The following AP2A1 variants were observed in gnomAD, a reference collection of about 807,000 sequenced individuals.
AP2A1 encodes adaptor related protein complex 2 subunit alpha 1.
Under a neutral mutation model 107.3 loss-of-function variants are expected in AP2A1, and 21 were observed. The ratio of observed to expected loss-of-function variants is 0.20; its 90% CI spans 0.14 to 0.28. The LOEUF (loss-of-function observed/expected upper bound fraction) is 0.28, where lower values mean the gene tolerates loss of function less well. AP2A1 is among the 10% of genes least tolerant of loss of function. AP2A1 has a pLI of 1.00. For synonymous variants in AP2A1, 602 were observed against 564.8 expected (o/e 1.07, Z -0.93); for missense variants, 873 against 1,307.7 (o/e 0.67, Z 5.13).
intron 6 of AP2A1, 60 bp downstream of exon 6, chr19:49,793,152 C>T: frequency 6.9e-7 from 1 of 1,439,662 alleles, no homozygotes; most frequent in African/African-American, 1.4e-5. Context: ...TGCCCTCTGA[C>T]ACCCCTCAGG....
At chr19:49,770,601 A>G (rs1212015022) in intron 1 of AP2A1, among the ~76,000 whole-genome samples, 1 of 152,212 alleles carries the variant, frequency 6.6e-6, no homozygotes, top group African/African-American at 2.4e-5. Flanking sequence ...CAACTGAGAA[A>G]TAAAGTGTGG....
chr19:49,799,187 G>A, intron 8 of AP2A1, 140 bp from the exon 9 acceptor site: 1 of 1,167,162 alleles, frequency 8.6e-7, no homozygotes, highest in Non-Finnish European at 1.2e-6. Context: ...GTCACTGGAG[G>A]TGCAGTACTG....
chr19:49,767,197 A>C lies in AP2A1; in HGVS notation c.64A>C (p.Asn22His). 6.2e-7 allele frequency: 1 copy of C among 1,611,606 alleles called. No homozygotes were observed. Among genetic ancestry groups the C allele is most frequent in the Non-Finnish European group, 8.5e-7 (1 of 1,179,644 alleles). The change falls in exon 1 of 23, where the codon AAC becomes CAC. Residue 22 changes from asparagine (N) to histidine (H), a missense_variant. Asn to His is a moderately conservative substitution (Grantham distance 68). This residue lies in a region of AP2A1 where 87 missense variants were observed against 178.2 expected (regional missense o/e 0.49). Coordinates refer to ENST00000354293, the MANE Select transcript of AP2A1 (RefSeq NM_130787.3). Reference protein sequence around the residue: ...GLAVFISDIRNCKSKEAEIKR... With the variant: ...GLAVFISDIRHCKSKEAEIKR... ...CGCGGTGTTCATCTCCGACATCCGG[A>C]ACTGTGAGCGCGCGGCCGGGGGACA...
At chr19:49,793,184 A>C in intron 6 of AP2A1, 92 bp downstream of exon 6, 1 of 1,196,150 alleles carries the variant, frequency 8.4e-7, no homozygotes, top group Non-Finnish European at 1.2e-6. Context: ...CCTGAGAGGC[A>C]GCCCAGCCCA....
rs985405612 is a variant in AP2A1, at chr19:49,800,773, C to T, written c.1456-188C>T. On this transcript the variant is annotated intron_variant, in intron 11 of 22. Coordinates refer to ENST00000354293, the MANE Select transcript of AP2A1 (RefSeq NM_130787.3). ...GGCATGAGCCACTGCTTCCGGCCCACAGCCCTGTTTTACTTCCTGTGTGAG... is the reference window on the plus strand; with the variant it reads ...GGCATGAGCCACTGCTTCCGGCCCATAGCCCTGTTTTACTTCCTGTGTGAG... The T allele has an allele frequency of 6.2e-5, 33 of 533,522 alleles. No individual in the cohort carries two copies. In the East Asian group the frequency reaches 7.0e-4, roughly 11 times the overall value. The allele number at this position is 533,522 out of a possible 1,614,324, so 33.0% of individuals were successfully genotyped here.
rs569281886 is a variant in AP2A1, at chr19:49,802,708, G to A, written c.2115-241G>A. The A allele has an allele frequency of 3.6e-4, 429 of 1,190,710 alleles. 1 individual carries two copies. The highest frequency in any genetic ancestry group is 1.9e-4 in the Non-Finnish European group (164 of 869,752). 73.8% of individuals were successfully genotyped at this position (1,190,710 alleles called of 1,614,324 possible). A position where few individuals can be genotyped will look rare whatever the true frequency, so the allele number is the denominator to read the frequency against. ...GTCAACGGGTTCCTGATGAGCAGCA[G>A]AGGCAGGGACTTGGAGGAAAGGGAA... On this transcript the variant is annotated intron_variant, in intron 15 of 22. Coordinates refer to ENST00000354293, the MANE Select transcript of AP2A1 (RefSeq NM_130787.3).
Position 49,791,941 on chromosome 19 carries a change from C to T in AP2A1, c.480C>T (p.Ser160=), listed in dbSNP as rs1000552912. ...CTGCATGGTGTCCCCACAGGGACAG[C>T]ATGGACAGTGTCAAGCAGAGTGCGG... is the stretch of plus-strand genomic sequence containing the variant. ...DIPRILVAGD[S]MDSVKQSAAL... Residue 160 remains serine, a synonymous_variant, in exon 5 of 23, where the codon AGC becomes AGT. Coordinates refer to ENST00000354293, the MANE Select transcript of AP2A1 (RefSeq NM_130787.3). The T allele has an allele frequency of 6.2e-7, 1 of 1,608,444 alleles. No individual in the cohort carries two copies. Among genetic ancestry groups the T allele is most frequent in the Middle Eastern group, 1.7e-4 (1 of 6,022 alleles).
chr19:49,795,582 G>GCCCCCCCCCCCC, intron 6 of AP2A1, 48 bp from the exon 7 acceptor site: 1 of 692,052 alleles, frequency 1.4e-6, no homozygotes, highest in Non-Finnish European at 2.7e-6. Flanking sequence ...GGACCCACGT[G>GCCCCCCCCCCCC]CCCCTCCCAC....
In AP2A1 at chr19:49,781,806, C is replaced by T. The variant is rs369694064; in HGVS notation, c.117C>T (p.Asn39=). The T allele has an allele frequency of 2.8e-5, 45 of 1,609,250 alleles. No homozygotes were observed. In the African/African-American group the frequency reaches 5.2e-4, roughly 19 times the overall value. ...EIKRINKELA[N]IRSKFKGDKA... is the part of the protein sequence containing the mutation. The stretch of plus-strand genomic sequence containing the variant: ...AGAGAATCAACAAGGAACTGGCCAA[C>T]ATCCGCTCCAAGTTCAAAGGTAGGC... Residue 39 remains asparagine, a synonymous_variant, in exon 2 of 23, where the codon AAC becomes AAT. Coordinates refer to ENST00000354293, the MANE Select transcript of AP2A1 (RefSeq NM_130787.3).
chr19:49,780,769 G>A (rs1282758445), intron 1 of AP2A1, among the ~76,000 whole-genome samples: 2 of 152,130 alleles, frequency 1.3e-5, no homozygotes, highest in Admixed American at 1.3e-4. Flanking sequence ...CCAGCATTTT[G>A]GGAGGCTGAG....
At chr19:49,776,788 T>C (rs2084621464) in intron 1 of AP2A1, among the ~76,000 whole-genome samples, 1 of 152,244 alleles carries the variant, frequency 6.6e-6, no homozygotes, top group Admixed American at 6.5e-5. Context: ...GAGCTGGGCC[T>C]CTGCCAGAGC....
chr19:49,782,527 A>T lies in AP2A1; in HGVS notation c.280-4A>T. ...CTAGCCATCCACGACCTCCCTCCCC[A>T]CAGGGTTACCTGTTCATTTCTGTGC... is the stretch of plus-strand genomic sequence containing the variant. On this transcript the variant is annotated splice_polypyrimidine_tract_variant and splice_region_variant and intron_variant, in intron 3 of 22. Transcript: ENST00000354293. 6.2e-7 allele frequency: 1 copy of T among 1,612,954 alleles called. No homozygotes were observed. Among genetic ancestry groups the T allele is most frequent in the South Asian group, 1.1e-5 (1 of 90,972 alleles).
In AP2A1 at chr19:49,793,291, G is replaced by C. The variant is rs185253462; in HGVS notation, c.705+199G>C. 4.8e-3 allele frequency among the ~76,000 whole-genome samples: 732 copies of C among 152,344 alleles called. 5 individuals carry two copies. Among genetic ancestry groups the C allele is most frequent in the African/African-American group, 0.016 (650 of 41,578 alleles). On this transcript the variant is annotated intron_variant, in intron 6 of 22. Transcript: ENST00000354293. Reference sequence around the variant, plus strand: ...AAGTGGCTTCACCTCCCTGGCCTCAGCTGCCCCCTGTGTTCAGTGGGGATA... The same window carrying C: ...AAGTGGCTTCACCTCCCTGGCCTCACCTGCCCCCTGTGTTCAGTGGGGATA...
At position 49,801,491 on chromosome 19, in the gene AP2A1, T is replaced by A. The variant is rs1354462392; in HGVS notation, c.1655T>A (p.Phe552Tyr). 9.9e-6 allele frequency: 16 copies of A among 1,613,088 alleles called. No individual in the cohort carries two copies. The change falls in exon 13 of 23, where the codon TTC (phenylalanine) becomes TAC (tyrosine). Residue 552 changes from phenylalanine (F) to tyrosine (Y), a missense_variant. This residue lies in a region of AP2A1 where 213 missense variants were observed against 443.5 expected (regional missense o/e 0.48). Transcript: ENST00000354293. ...LSTYIKFINL[F>Y]PETKATIQGV... ...ACCTACATCAAGTTCATCAACCTCT[T>A]CCCCGAGACCAAGGCCACCATCCAG...
chr19:49,790,651 C>T (rs1181015751), intron 4 of AP2A1, among the ~76,000 whole-genome samples: 3 of 152,236 alleles, frequency 2.0e-5, no homozygotes, highest in Non-Finnish European at 4.4e-5. Context: ...TCTCCCACCT[C>T]AGCCTCCTAA....
intron 11 of AP2A1, 99 bp downstream of exon 11, chr19:49,800,249 T>A: frequency 7.2e-7 from 1 of 1,384,652 alleles, no homozygotes; most frequent in Non-Finnish European, 9.8e-7. Context: ...GCAGCCACCC[T>A]CCTTCTCCTG....
chr19:49,793,898 C>CTTTTT (rs956804227), intron 6 of AP2A1, among the ~76,000 whole-genome samples: 11 of 74,584 alleles, frequency 1.5e-4, no homozygotes, highest in South Asian at 6.0e-4. Flanking sequence ...CTCATTGTTT[C>CTTTTT]TTTTTTTTTT....
At chr19:49,777,839 G>A (rs1247425695) in intron 1 of AP2A1, among the ~76,000 whole-genome samples, 1 of 151,854 alleles carries the variant, frequency 6.6e-6, no homozygotes, top group African/African-American at 2.4e-5. Flanking sequence ...GAGATGGGAG[G>A]GTCATTTGAG....
chr19:49,786,540 C>T (rs917945395), intron 4 of AP2A1, among the ~76,000 whole-genome samples: 1 of 152,188 alleles, frequency 6.6e-6, no homozygotes, highest in Admixed American at 6.5e-5. Context: ...CTGGGAATTC[C>T]CAAAAGCTGG....
Sources: allele counts gnomAD v4.1 joint callset (sites outside exome capture counted in the v4.1 genomes callset), GRCh38; gene constraint gnomAD v4.1.1; regional missense constraint gnomAD v4.1.1; transcripts MANE v1.5; gene names NCBI Gene and HGNC (gene_info 2026-07-23, HGNC 2026-07-21).